CAMK2A: variants seen among roughly 807,000 people sequenced by gnomAD.
CAMK2A encodes the protein calcium/calmodulin-dependent protein kinase type II subunit alpha.
A neutral mutation model predicts 79.2 loss-of-function variants in CAMK2A; 7 were observed. That is an observed-to-expected ratio of 0.09 (90% CI 0.05 to 0.17). CAMK2A has a LOEUF of 0.17. CAMK2A is among the 10% of genes least tolerant of loss of function. The probability of loss-of-function intolerance (pLI) is 1.00; values close to 1 mark genes in which losing one functional copy is unlikely to be tolerated. For synonymous variants in CAMK2A, 242 were observed against 251.7 expected, an observed-to-expected ratio of 0.96 and a Z score of 0.36; for missense variants, 214 against 646.4, an observed-to-expected ratio of 0.33 and a Z score of 7.25.
intron 2 of CAMK2A, among the ~76,000 whole-genome samples, chr5:150,272,714 G>A (rs1188219538): frequency 2.0e-5 from 3 of 151,968 alleles, no homozygotes; most frequent in African/African-American, 7.3e-5. Context: ...AAGGAGCCAG[G>A]AGATGGCGTT....
intron 12 of CAMK2A, among the ~76,000 whole-genome samples, chr5:150,246,614 T>G (rs1160453775): frequency 6.6e-6 from 1 of 152,212 alleles, no homozygotes; most frequent in Non-Finnish European, 1.5e-5. Context: ...ACTAGAGTTC[T>G]TTAGGGTGCT....
In CAMK2A at chr5:150,269,894, C is replaced by G. The variant is rs927548577; in HGVS notation, c.157+3171G>C. On this transcript the variant is annotated intron_variant, in intron 2 of 18. Transcript: ENST00000671881. ...CTTCCTTGCAGGGAACTGAATGACA[C>G]TCTAGTGCAGGCTGGATGAGCTTGT... 7.9e-5 allele frequency among the ~76,000 whole-genome samples: 12 copies of G among 152,206 alleles called. 1 individual carries two copies. Among genetic ancestry groups the G allele is most frequent in the Admixed American group, 7.2e-4 (11 of 15,286 alleles).
intron 6 of CAMK2A, among the ~76,000 whole-genome samples, chr5:150,254,704 C>T (rs1181045299): frequency 2.0e-5 from 3 of 152,122 alleles, no homozygotes; most frequent in South Asian, 2.1e-4. Context: ...TTTCTGATCC[C>T]GATGCTGCCC....
intron 15 of CAMK2A, among the ~76,000 whole-genome samples, chr5:150,232,788 A>G (rs1754903697): frequency 6.6e-6 from 1 of 152,192 alleles, no homozygotes; most frequent in Admixed American, 6.5e-5. Context: ...CACCCCACAC[A>G]GGAGCACACC....
chr5:150,278,700 G>A (rs890293737), intron 1 of CAMK2A, among the ~76,000 whole-genome samples: 11 of 152,102 alleles, frequency 7.2e-5, no homozygotes, highest in Admixed American at 2.0e-4. Flanking sequence ...TGAATTCCTC[G>A]AGGGGTGTAG....
chr5:150,280,748 C>T (rs1757177895), intron 1 of CAMK2A, among the ~76,000 whole-genome samples: 2 of 152,142 alleles, frequency 1.3e-5, no homozygotes, highest in South Asian at 4.2e-4. Flanking sequence ...CTCGCCCTTC[C>T]TTTTGTTTCT....
chr5:150,229,142 G>A (rs1275809543), intron 16 of CAMK2A, among the ~76,000 whole-genome samples: 2 of 152,192 alleles, frequency 1.3e-5, no homozygotes, highest in East Asian at 3.8e-4. Flanking sequence ...GAGACACCCA[G>A]GAGAAGGTGT....
Position 150,284,706 on chromosome 5 carries a change from G to C in CAMK2A, c.62+4858C>G, listed in dbSNP as rs1320110708. On this transcript the variant is annotated intron_variant, in intron 1 of 18. Transcript: ENST00000671881. This position sits in a 1 kb window ranked among gnomAD's most constrained non-coding sequence, Gnocchi z 5.3. ...CCTGCCCCTCAATTTCCCATCCTTT[G>C]GCCTCTGGTCCCTGCACGTCATCTA... Among the ~76,000 whole-genome samples, 1 of 152,104 alleles carries C rather than the reference G, an allele frequency of 6.6e-6. No homozygotes were observed. Among genetic ancestry groups the C allele is most frequent in the African/African-American group, 2.4e-5 (1 of 41,412 alleles).
At chr5:150,245,473 G>A (rs1449671564) in intron 12 of CAMK2A, 2 of 472,078 alleles carry the variant, frequency 4.2e-6, no homozygotes, top group African/African-American at 2.0e-5. Flanking sequence ...TGTCCAACAT[G>A]TCCCAGGACT....
At chr5:150,275,070 G>A (rs528194228) in intron 1 of CAMK2A, among the ~76,000 whole-genome samples, 1 of 152,370 alleles carries the variant, frequency 6.6e-6, no homozygotes, top group South Asian at 2.1e-4. Flanking sequence ...GAGCGGCTGG[G>A]AAACTGTGCA....
In CAMK2A at chr5:150,253,304, C is replaced by G. The variant is rs1375690042; in HGVS notation, c.514+140G>C. The G allele has an allele frequency of 4.5e-6, 3 of 672,594 alleles. No homozygotes were observed. In the South Asian group the frequency reaches 5.2e-5, roughly 12 times the overall value. The allele number at this position is 672,594 out of a possible 1,614,324, so 41.7% of individuals were successfully genotyped here. On this transcript the variant is annotated intron_variant, in intron 7 of 18. Coordinates refer to ENST00000671881, the MANE Select transcript of CAMK2A (RefSeq NM_015981.4). ...CCACTGGCTCAGAGGCTGGGTGGGA[C>G]AGGGCCTCTGCTCTACCAGCCCCGG...
chr5:150,279,296 G>A (rs574642877), intron 1 of CAMK2A, among the ~76,000 whole-genome samples: 8 of 152,236 alleles, frequency 5.3e-5, no homozygotes, highest in Admixed American at 2.6e-4. Flanking sequence ...TGGAGAGCGC[G>A]GTTCAACATA....
chr5:150,288,227 C>T (rs1013494640), intron 1 of CAMK2A, among the ~76,000 whole-genome samples: 3 of 152,116 alleles, frequency 2.0e-5, no homozygotes, highest in African/African-American at 7.2e-5. Context: ...TGAGCATCCT[C>T]ACACACCCCT....
intron 13 of CAMK2A, among the ~76,000 whole-genome samples, chr5:150,240,497 T>C (rs1755289474): frequency 6.6e-6 from 1 of 152,198 alleles, no homozygotes; most frequent in Non-Finnish European, 1.5e-5. Flanking sequence ...GGCCCTGCCA[T>C]TCAGCTTACA....
In CAMK2A at chr5:150,250,079, A is replaced by G. The variant is rs143659355; in HGVS notation, c.900+147T>C. 246 of 628,228 alleles carry G rather than the reference A, an allele frequency of 3.9e-4. 2 individuals are homozygous for G. The African/African-American group carries it at 4.0e-3, about 10-fold the overall frequency. 38.9% of individuals were successfully genotyped at this position (628,228 alleles called of 1,614,324 possible). A position where few individuals can be genotyped will look rare whatever the true frequency, so the allele number is the denominator to read the frequency against. On this transcript the variant is annotated intron_variant, in intron 11 of 18. Coordinates refer to ENST00000671881, the MANE Select transcript of CAMK2A (RefSeq NM_015981.4). ...ATTCACCGCTCACTCCCCAAGCCCA[A>G]CCTGCTGTCCAGTATGCAGTAGGTG...
At chr5:150,232,061 G>A (rs538197413) in intron 15 of CAMK2A, among the ~76,000 whole-genome samples, 16 of 152,296 alleles carry the variant, frequency 1.1e-4, no homozygotes, top group Admixed American at 5.2e-4. Context: ...TTAGATGGCC[G>A]TCTTATTAGA....
At chr5:150,250,551 A>G in intron 10 of CAMK2A, 137 bp downstream of exon 10, 1 of 1,241,514 alleles carries the variant, frequency 8.1e-7, no homozygotes, top group Non-Finnish European at 1.1e-6. Context: ...ATTACCCCTG[A>G]GAACCACAGC....
At chr5:150,252,136 C>G in intron 7 of CAMK2A, 71 bp from the exon 8 acceptor site, 1 of 1,175,734 alleles carries the variant, frequency 8.5e-7, no homozygotes, top group Non-Finnish European at 1.2e-6. Flanking sequence ...GAGCAAGATC[C>G]TGCTGGAAGA....
chr5:150,248,023 A>G (rs1755650564), intron 11 of CAMK2A, among the ~76,000 whole-genome samples: 1 of 152,144 alleles, frequency 6.6e-6, no homozygotes. Context: ...GGGGTGAGCT[A>G]GGCTTTAGCC....
Sources: allele counts gnomAD v4.1 joint callset (sites outside exome capture counted in the v4.1 genomes callset), GRCh38; gene constraint gnomAD v4.1.1; non-coding constraint Gnocchi (gnomAD v3.1); transcripts MANE v1.5; gene names NCBI Gene and HGNC (gene_info 2026-07-23, HGNC 2026-07-21).